MYO5B: variants seen among roughly 807,000 people sequenced by gnomAD.
The protein encoded by MYO5B is unconventional myosin-Vb.
Under a neutral mutation model 229.3 loss-of-function variants are expected in MYO5B, and 143 were observed. The ratio of observed to expected loss-of-function variants is 0.62; its 90% confidence interval spans 0.54 to 0.72. The LOEUF (loss-of-function observed/expected upper bound fraction) is 0.72, where lower values mean the gene tolerates loss of function less well. MYO5B is among the 30% of genes least tolerant of loss of function. MYO5B has a pLI of 0.00. For synonymous variants in MYO5B, 918 were observed against 885.2 expected (o/e 1.04, Z -0.66); for missense variants, 2,321 against 2,331.0 (o/e 1.00, Z 0.09).
chr18:49,830,279 T>A (rs1420797854), intron 39 of MYO5B, among the ~76,000 whole-genome samples: 1 of 151,850 alleles, frequency 6.6e-6, no homozygotes, highest in African/African-American at 2.4e-5. Flanking sequence ...AGAAAAACAA[T>A]TCCATTTACA....
At chr18:50,117,341 G>C (rs1568113389) in intron 1 of MYO5B, among the ~76,000 whole-genome samples, 1 of 152,058 alleles carries the variant, frequency 6.6e-6, no homozygotes, top group Non-Finnish European at 1.5e-5. Flanking sequence ...GGCTCTTCCA[G>C]GAAGACCCAA....
chr18:50,162,967 T>A (rs2032791964), intron 1 of MYO5B, among the ~76,000 whole-genome samples: 1 of 152,230 alleles, frequency 6.6e-6, no homozygotes, highest in South Asian at 2.1e-4. Context: ...GATGGAGACC[T>A]CCTTTTACAA....
Position 50,091,460 on chromosome 18 carries a change from TG to T in MYO5B, c.28-36083del, listed in dbSNP as rs778885692. Among the ~76,000 whole-genome samples, 198 of 152,350 alleles carry T rather than the reference TG, an allele frequency of 1.3e-3. 1 individual carries two copies. Among genetic ancestry groups the T allele is most frequent in the Non-Finnish European group, 2.2e-3 (149 of 68,034 alleles). ...ATCACCTATTATTACTATGTATAGA[TG>T]GCACTTCATAGTAATTAACATACAC... On this transcript the variant is annotated intron_variant, in intron 1 of 39. Coordinates refer to ENST00000285039, the MANE Select transcript of MYO5B (RefSeq NM_001080467.3).
chr18:49,978,714 C>G (rs2025781007), intron 9 of MYO5B, among the ~76,000 whole-genome samples: 1 of 142,820 alleles, frequency 7.0e-6, no homozygotes, highest in Admixed American at 6.7e-5. Flanking sequence ...CACACACACA[C>G]ACACACACAC....
chr18:49,976,512 A>T (rs781695846), intron 9 of MYO5B, among the ~76,000 whole-genome samples: 6 of 152,226 alleles, frequency 3.9e-5, no homozygotes, highest in Non-Finnish European at 5.9e-5. Context: ...GGTTTAATAC[A>T]CCATGTAGCA....
chr18:49,872,461 A>C (rs2024466981), intron 26 of MYO5B, among the ~76,000 whole-genome samples: 1 of 151,842 alleles, frequency 6.6e-6, no homozygotes, highest in Admixed American at 6.6e-5. Flanking sequence ...ACTTTCACTC[A>C]CATGGTCCCC....
At chr18:49,930,872 A>C (rs1164295690) in intron 16 of MYO5B, among the ~76,000 whole-genome samples, 4 of 147,582 alleles carry the variant, frequency 2.7e-5, no homozygotes, top group Non-Finnish European at 5.9e-5. Context: ...AGCCTGGGTG[A>C]CAGAGTGAGA....
intron 22 of MYO5B, among the ~76,000 whole-genome samples, chr18:49,883,623 G>A (rs1215352435): frequency 2.0e-5 from 3 of 150,054 alleles, no homozygotes; most frequent in African/African-American, 7.6e-5. Flanking sequence ...AAATTCATGA[G>A]CTGTTCCTTA....
At chr18:50,012,320 C>G (rs2026170634) in intron 4 of MYO5B, among the ~76,000 whole-genome samples, 1 of 152,170 alleles carries the variant, frequency 6.6e-6, no homozygotes, top group Non-Finnish European at 1.5e-5. Flanking sequence ...CAACATTAGC[C>G]TAATACAATG....
At chr18:49,844,339 C>A (rs145722651) in intron 33 of MYO5B, among the ~76,000 whole-genome samples, 1 of 152,344 alleles carries the variant, frequency 6.6e-6, no homozygotes, top group African/African-American at 2.4e-5. Context: ...GAGCACAAGG[C>A]CCCAGGGGTC....
chr18:50,188,807 A>C (rs868269628), intron 1 of MYO5B, among the ~76,000 whole-genome samples: 10 of 68,700 alleles, frequency 1.5e-4, no homozygotes, highest in Non-Finnish European at 3.3e-4. Flanking sequence ...AAAAAAAAAA[A>C]AAAAAAAAAA....
At chr18:49,972,886 G>A (rs2025706035) in intron 10 of MYO5B, among the ~76,000 whole-genome samples, 1 of 152,040 alleles carries the variant, frequency 6.6e-6, no homozygotes, top group African/African-American at 2.4e-5. Flanking sequence ...CACTCTCGGT[G>A]ATTCTCCACT....
intron 10 of MYO5B, among the ~76,000 whole-genome samples, chr18:49,972,878 C>T (rs987360135): frequency 6.6e-6 from 1 of 152,028 alleles, no homozygotes; most frequent in Admixed American, 6.6e-5. Context: ...TCACCTCCCA[C>T]TCTCGGTGAT....
At chr18:50,194,629 G>C in intron 1 of MYO5B, 138 bp downstream of exon 1, 1 of 591,134 alleles carries the variant, frequency 1.7e-6, no homozygotes, top group Non-Finnish European at 2.9e-6. Flanking sequence ...CGAGGACAGT[G>C]ACGAGGAGGA....
chr18:49,946,166 G>A (rs1362798309), intron 14 of MYO5B: 1 of 151,892 alleles, frequency 6.6e-6, no homozygotes, highest in Non-Finnish European at 1.5e-5. Flanking sequence ...GGTACAGATT[G>A]AGTATCCGTT....
rs200580023 is a variant in MYO5B, at chr18:49,836,826, G to A, written c.5198C>T (p.Ala1733Val). The change falls in exon 38 of 40, where the codon GCA becomes GTA. Residue 1733 changes from alanine to valine, a missense_variant. Physicochemically the swap from Ala to Val is moderately conservative, Grantham distance 64. This residue lies in a region of MYO5B where 208 missense variants were observed against 286.3 expected (regional missense o/e 0.73). Coordinates refer to ENST00000285039, the MANE Select transcript of MYO5B (RefSeq NM_001080467.3). ...GATCAGAGGTTCCATGGTCTGAACT[G>A]CTCCACTCTGGTGAAGGTTTCTTCC... ...LRGRNLHQSGAVQTMEPLIQA... is the reference protein window; with the variant it reads ...LRGRNLHQSGVVQTMEPLIQA... The A allele has an allele frequency of 3.1e-6, 5 of 1,614,180 alleles. No individual in the cohort carries two copies. Among genetic ancestry groups the A allele is most frequent in the Non-Finnish European group, 4.2e-6 (5 of 1,180,022 alleles).
At chr18:49,945,122 T>G (rs1025485188) in intron 14 of MYO5B, among the ~76,000 whole-genome samples, 4 of 152,132 alleles carry the variant, frequency 2.6e-5, no homozygotes, top group African/African-American at 9.7e-5. Flanking sequence ...CGGGGCTTTT[T>G]CCTGCACTTC....
At chr18:49,928,626 T>C (rs1303208488) in intron 17 of MYO5B, among the ~76,000 whole-genome samples, 2 of 152,170 alleles carry the variant, frequency 1.3e-5, no homozygotes, top group African/African-American at 4.8e-5. Flanking sequence ...CTATTGGGTA[T>C]CTACCCAGAG....
At chr18:49,879,192 C>A in intron 23 of MYO5B, 102 bp from the exon 24 acceptor site, 2 of 1,450,326 alleles carry the variant, frequency 1.4e-6, no homozygotes, top group East Asian at 2.3e-5. Flanking sequence ...CTGCCCATGA[C>A]GAGCTCATCA....
Sources: allele counts gnomAD v4.1 joint callset (sites outside exome capture counted in the v4.1 genomes callset), GRCh38; gene constraint gnomAD v4.1.1; regional missense constraint gnomAD v4.1.1; transcripts MANE v1.5; gene names NCBI Gene and HGNC (gene_info 2026-07-23, HGNC 2026-07-21).